CELSR1: variants seen among roughly 807,000 people sequenced by gnomAD.
The protein encoded by CELSR1 is adhesion G protein-coupled receptor C1.
In CELSR1, 110 loss-of-function variants were observed where a neutral mutation model predicts 249.1. The ratio of observed to expected loss-of-function variants is 0.44; its 90% confidence interval spans 0.38 to 0.52. CELSR1 has a LOEUF of 0.52. Ranked by LOEUF, CELSR1 falls within the 20% of genes least tolerant of loss-of-function variation. The pLI, the probability that CELSR1 is intolerant of heterozygous loss-of-function variation, is 0.00. For synonymous variants in CELSR1, 2,113 were observed against 1,900.0 expected, an observed-to-expected ratio of 1.11 and a Z score of -2.92; for missense variants, 4,109 against 4,296.4, an observed-to-expected ratio of 0.96 and a Z score of 1.22.
In CELSR1 at chr22:46,447,049, G is replaced by A. The variant is rs775805311; in HGVS notation, c.4184-7638C>T. Among the ~76,000 whole-genome samples, 1 of 152,126 alleles carries A rather than the reference G, an allele frequency of 6.6e-6. No homozygotes were observed. Among genetic ancestry groups the A allele is most frequent in the Non-Finnish European group, 1.5e-5 (1 of 68,040 alleles). On this transcript the variant is annotated intron_variant, in intron 2 of 34. Coordinates refer to ENST00000674500, the MANE Select transcript of CELSR1 (RefSeq NM_001378328.1). This position sits in a 1 kb window ranked among gnomAD's most constrained non-coding sequence, Gnocchi z 4.7. ...ACAGTACTGTTTATAGGGAGCTGGA[G>A]GGGCTGCTAGCATGAGTGGATTACA...
rs142560375 is a variant in CELSR1, at chr22:46,417,511, C to T, written c.4612-5752G>A. ...TTTTGATGACCTGGCTCGAAGGGTG[C>T]GGTATTCCCCCAGGGCTGTCAGCAG... On this transcript the variant is annotated intron_variant, in intron 5 of 34. Coordinates refer to ENST00000674500, the MANE Select transcript of CELSR1 (RefSeq NM_001378328.1). This position sits in a 1 kb window ranked among gnomAD's most constrained non-coding sequence, Gnocchi z 4.1. 3.0e-4 allele frequency among the ~76,000 whole-genome samples: 46 copies of T among 152,276 alleles called. 1 individual carries two copies. The East Asian group carries it at 7.7e-3, about 26-fold the overall frequency.
chr22:46,421,512 C>T (rs1173467945), intron 5 of CELSR1, among the ~76,000 whole-genome samples: 2 of 152,146 alleles, frequency 1.3e-5, no homozygotes, highest in Admixed American at 1.3e-4. Context: ...GACTTTCTAC[C>T]ACCTGACCAG....
chr22:46,438,946 T>C (rs886392392), intron 3 of CELSR1, among the ~76,000 whole-genome samples: 4 of 152,110 alleles, frequency 2.6e-5, no homozygotes, highest in Non-Finnish European at 5.9e-5. Context: ...TTAGTAGAGA[T>C]GGGGTTTTGC....
Position 46,440,051 on chromosome 22 carries a change from T to G in CELSR1, c.4184-640A>C, listed in dbSNP as rs1182657449. Among the ~76,000 whole-genome samples the G allele has an allele frequency of 6.6e-6, 1 of 152,090 alleles. No individual in the cohort carries two copies. The highest frequency in any genetic ancestry group is 1.9e-4 in the East Asian group (1 of 5,186). On this transcript the variant is annotated intron_variant, in intron 2 of 34. Transcript: ENST00000674500. This position sits in a 1 kb window ranked among gnomAD's most constrained non-coding sequence, Gnocchi z 4.7. ...CTGAAGGGCAGGCACCACCCTACTC[T>G]GATGTCCTTCCTAGAGTTTAAACTC...
intron 2 of CELSR1, among the ~76,000 whole-genome samples, chr22:46,452,802 G>A (rs1452005766): frequency 1.3e-5 from 2 of 152,236 alleles, no homozygotes; most frequent in African/African-American, 2.4e-5. Flanking sequence ...TGAGGGGGAC[G>A]CAGACTTCAC....
intron 29 of CELSR1, 40 bp from the exon 30 acceptor site, chr22:46,366,520 C>T (rs1386122059): frequency 2.1e-6 from 3 of 1,439,978 alleles, no homozygotes; most frequent in Admixed American, 3.9e-5. Flanking sequence ...CAAGTGGTGG[C>T]CACCACATGA....
chr22:46,386,167 A>C (rs1407147280), intron 19 of CELSR1, among the ~76,000 whole-genome samples: 1 of 151,786 alleles, frequency 6.6e-6, no homozygotes, highest in East Asian at 1.9e-4. Flanking sequence ...ATGGGGTTTC[A>C]CCATTTTGCC....
At position 46,410,993 on chromosome 22, in the gene CELSR1, G is replaced by A. The variant is rs945502670; in HGVS notation, c.4770-432C>T. Among the ~76,000 whole-genome samples, 2 of 152,128 alleles carry A rather than the reference G, an allele frequency of 1.3e-5. No individual in the cohort carries two copies. The highest frequency in any genetic ancestry group is 3.9e-4 in the East Asian group (2 of 5,178). On this transcript the variant is annotated intron_variant, in intron 6 of 34. Coordinates refer to ENST00000674500, the MANE Select transcript of CELSR1 (RefSeq NM_001378328.1). This position sits in a 1 kb window ranked among gnomAD's most constrained non-coding sequence, Gnocchi z 6.8. ...GAGGCTGAGGCGGGCAGATCACGAG[G>A]TCAAGAGATCGAGACCATCCTGGCC...
chr22:46,460,075 A>G (rs1424906345), intron 2 of CELSR1, among the ~76,000 whole-genome samples: 1 of 152,046 alleles, frequency 6.6e-6, no homozygotes, highest in African/African-American at 2.4e-5. Flanking sequence ...GGGCGTGGTG[A>G]TGCATGCCTG....
chr22:46,447,831 G>A lies in CELSR1; in HGVS notation c.4184-8420C>T, dbSNP rs997737907. Among the ~76,000 whole-genome samples, 1 of 152,106 alleles carries A rather than the reference G, an allele frequency of 6.6e-6. No individual in the cohort carries two copies. The highest frequency in any genetic ancestry group is 2.4e-5 in the African/African-American group (1 of 41,408). On this transcript the variant is annotated intron_variant, in intron 2 of 34. Coordinates refer to ENST00000674500, the MANE Select transcript of CELSR1 (RefSeq NM_001378328.1). This position sits in a 1 kb window ranked among gnomAD's most constrained non-coding sequence, Gnocchi z 4.7. ...GACGGGGTTTCACCATGTTGGCCAG[G>A]CTGGTCTCGAACTCCTGACCTCAGG...
chr22:46,441,835 A>T lies in CELSR1; in HGVS notation c.4184-2424T>A, dbSNP rs2079753559. 6.6e-6 allele frequency among the ~76,000 whole-genome samples: 1 copy of T among 152,230 alleles called. No individual in the cohort carries two copies. The highest frequency in any genetic ancestry group is 6.5e-5 in the Admixed American group (1 of 15,284). On this transcript the variant is annotated intron_variant, in intron 2 of 34. Coordinates refer to ENST00000674500, the MANE Select transcript of CELSR1 (RefSeq NM_001378328.1). This position sits in a 1 kb window ranked among gnomAD's most constrained non-coding sequence, Gnocchi z 6.1. ...ACTGGCAATTTTAAAAGACTAGTGA[A>T]CATTAAACTTTATTATCCATTTTTA...
chr22:46,376,355 A>C (rs114381459), intron 24 of CELSR1, among the ~76,000 whole-genome samples: 1 of 152,176 alleles, frequency 6.6e-6, no homozygotes, highest in African/African-American at 2.4e-5. Context: ...TGAGAGGACT[A>C]TTTAGTCTTT....
chr22:46,533,831 T>C lies in CELSR1; in HGVS notation c.3340A>G (p.Asn1114Asp), dbSNP rs766852509. The change falls in exon 1 of 35, where the codon AAC (asparagine) becomes GAC (aspartate). Residue 1114 changes from asparagine (N) to aspartate (D), a missense_variant. This residue lies in a region of CELSR1 where 886 missense variants were observed against 896.5 expected (regional missense o/e 0.99). Coordinates refer to ENST00000674500, the MANE Select transcript of CELSR1 (RefSeq NM_001378328.1). ...CCGGTGGGGAAACTGTTGGACTTGT[T>C]GGTGACATAGTTGTTGAAGAGGATC... ...FQILFNNYVT[N>D]KSNSFPTGVI... 6 of 1,613,774 alleles carry C rather than the reference T, an allele frequency of 3.7e-6. No individual in the cohort carries two copies. Among genetic ancestry groups the C allele is most frequent in the African/African-American group, 2.7e-5 (2 of 74,934 alleles).
intron 2 of CELSR1, among the ~76,000 whole-genome samples, chr22:46,462,478 C>T (rs773078344): frequency 2.0e-5 from 3 of 152,200 alleles, no homozygotes; most frequent in Non-Finnish European, 2.9e-5. Flanking sequence ...GCTAATACCT[C>T]AAACCCTTGT....
intron 5 of CELSR1, among the ~76,000 whole-genome samples, chr22:46,414,373 G>A (rs774442876): frequency 2.6e-5 from 4 of 152,266 alleles, no homozygotes; most frequent in Non-Finnish European, 5.9e-5. Context: ...CTGCACAGAG[G>A]AGCGGGGGGA....
At position 46,366,461 on chromosome 22, in the gene CELSR1, G is replaced by T; in HGVS notation, c.8225C>A (p.Thr2742Asn). The T allele has an allele frequency of 1.9e-6, 3 of 1,550,444 alleles. No individual in the cohort carries two copies. The highest frequency in any genetic ancestry group is 2.4e-5 in the South Asian group (2 of 84,062). ...CATGTCAGGCCCGTCACCGAAGGTG[G>T]TGTTGCAGTTGAGGGAGCGCTGAAG... ...TLLTRSLNCN[T>N]TFGDGPDMLR... is the part of the protein sequence containing the mutation. The change falls in exon 30 of 35, where the codon ACC becomes AAC. Residue 2742 changes from threonine (T) to asparagine (N), a missense_variant. This residue lies in a region of CELSR1 where 1,805 missense variants were observed against 1,831.6 expected (regional missense o/e 0.99). Transcript: ENST00000674500.
chr22:46,508,004 T>C lies in CELSR1; in HGVS notation c.3544+25623A>G, dbSNP rs190539179. Among the ~76,000 whole-genome samples the C allele has an allele frequency of 6.0e-3, 917 of 152,308 alleles. 9 individuals carry two copies. Among genetic ancestry groups the C allele is most frequent in the African/African-American group, 0.021 (861 of 41,560 alleles). ...GTGGGATAACCATGCTGGGGATAGCTTGGTCCCGCCGGGATAGCCCTGGCT... is the reference window on the plus strand; with the variant it reads ...GTGGGATAACCATGCTGGGGATAGCCTGGTCCCGCCGGGATAGCCCTGGCT... On this transcript the variant is annotated intron_variant, in intron 1 of 34. Coordinates refer to ENST00000674500, the MANE Select transcript of CELSR1 (RefSeq NM_001378328.1).
intron 1 of CELSR1, among the ~76,000 whole-genome samples, chr22:46,491,823 G>C (rs1347161511): frequency 1.3e-5 from 2 of 151,916 alleles, no homozygotes; most frequent in Non-Finnish European, 2.9e-5. Context: ...TTTTAGTAGA[G>C]ACGGGGTTTC....
rs2080651901 is a variant in CELSR1, at chr22:46,518,534, G to A, written c.3544+15093C>T. On this transcript the variant is annotated intron_variant, in intron 1 of 34. Transcript: ENST00000674500. The surrounding 1 kb of genome is among the most constrained non-coding windows in gnomAD (Gnocchi z 5.2). The stretch of plus-strand genomic sequence containing the variant: ...CACACACAAACATGAAGGCAGGCGT[G>A]GCAGTGGGTTCACTACCCTGCCCCA... Among the ~76,000 whole-genome samples, 1 of 152,222 alleles carries A rather than the reference G, an allele frequency of 6.6e-6. No individual in the cohort carries two copies. Among genetic ancestry groups the A allele is most frequent in the African/African-American group, 2.4e-5 (1 of 41,456 alleles).
Sources: gnomAD v4.1 joint callset for allele counts (sites outside exome capture counted in the v4.1 genomes callset) on GRCh38, gnomAD v4.1.1 for gene constraint, gnomAD v4.1.1 regional missense constraint, Gnocchi (gnomAD v3.1) non-coding constraint, MANE v1.5 for transcripts, NCBI Gene and HGNC (gene_info 2026-07-23, HGNC 2026-07-21) for gene names.